Variants in GABBR2 observed in about 807,000 individuals in gnomAD.
GABBR2 encodes the protein G-protein coupled receptor 51.
GABBR2 carries 23 observed loss-of-function variants against 105.6 expected under a neutral mutation model. That is an observed-to-expected ratio of 0.22 (90% confidence interval 0.16 to 0.31). The LOEUF is 0.31. Ranked by LOEUF, GABBR2 falls within the 10% of genes least tolerant of loss-of-function variation. The probability of loss-of-function intolerance (pLI) is 1.00; values close to 1 mark genes in which losing one functional copy is unlikely to be tolerated. For synonymous variants in GABBR2, 478 were observed against 499.7 expected, an observed-to-expected ratio of 0.96 and a Z score of 0.58; for missense variants, 734 against 1,245.5, an observed-to-expected ratio of 0.59 and a Z score of 6.18.
chr9:98,500,702 T>C (rs1475914909), intron 3 of GABBR2, among the ~76,000 whole-genome samples: 1 of 152,182 alleles, frequency 6.6e-6, no homozygotes, highest in East Asian at 1.9e-4. Context: ...GAGGCAATAG[T>C]TGTTGACTTG....
At chr9:98,459,148 C>T (rs1482255561) in intron 6 of GABBR2, among the ~76,000 whole-genome samples, 2 of 152,204 alleles carry the variant, frequency 1.3e-5, no homozygotes, top group Non-Finnish European at 2.9e-5. Context: ...CAGGGAGATG[C>T]CTCCCCTTTT....
intron 13 of GABBR2, among the ~76,000 whole-genome samples, chr9:98,315,665 AC>A (rs371218824): frequency 3.2e-4 from 49 of 152,192 alleles, no homozygotes; most frequent in African/African-American, 1.2e-3. Flanking sequence ...CCACCCCCCA[AC>A]CCCCAGTGCT....
At chr9:98,333,503 C>T (rs1831063193) in intron 13 of GABBR2, among the ~76,000 whole-genome samples, 1 of 152,156 alleles carries the variant, frequency 6.6e-6, no homozygotes, top group Non-Finnish European at 1.5e-5. Context: ...GCATTCCATG[C>T]TGTGGCTGCA....
intron 14 of GABBR2, among the ~76,000 whole-genome samples, chr9:98,310,530 G>T (rs1830619339): frequency 6.6e-6 from 1 of 152,314 alleles, no homozygotes; most frequent in Non-Finnish European, 1.5e-5. Context: ...TTGCAAGCAT[G>T]AGCCACAGCA....
At chr9:98,407,202 T>C (rs1832507046) in intron 7 of GABBR2, among the ~76,000 whole-genome samples, 1 of 152,220 alleles carries the variant, frequency 6.6e-6, no homozygotes, top group Non-Finnish European at 1.5e-5. Flanking sequence ...ACTGTTATGC[T>C]TTTGTGTCAT....
At chr9:98,510,987 T>C (rs1421445446) in intron 3 of GABBR2, among the ~76,000 whole-genome samples, 5 of 152,150 alleles carry the variant, frequency 3.3e-5, no homozygotes, top group South Asian at 2.1e-4. Flanking sequence ...TATTCCAAAA[T>C]TGACCACATA....
chr9:98,443,412 C>T (rs193045717), intron 7 of GABBR2, among the ~76,000 whole-genome samples: 3 of 152,298 alleles, frequency 2.0e-5, no homozygotes, highest in East Asian at 3.9e-4. Context: ...TTATTTTGAT[C>T]TTTCAAATTT....
intron 1 of GABBR2, among the ~76,000 whole-genome samples, chr9:98,625,546 G>C (rs1355133226): frequency 6.6e-6 from 1 of 152,204 alleles, no homozygotes; most frequent in Non-Finnish European, 1.5e-5. Context: ...TCTGGGAGGG[G>C]CTATGATATC....
chr9:98,436,303 A>ATATATATATAT (rs1564068032), intron 7 of GABBR2, among the ~76,000 whole-genome samples: 6 of 92,482 alleles, frequency 6.5e-5, no homozygotes, highest in Admixed American at 1.2e-4. Flanking sequence ...ATATATATAT[A>ATATATATATAT]CCCATAAATA....
intron 1 of GABBR2, among the ~76,000 whole-genome samples, chr9:98,578,581 CAT>C (rs1434051524): frequency 1.3e-5 from 2 of 152,176 alleles, no homozygotes; most frequent in Non-Finnish European, 2.9e-5. Flanking sequence ...ACAGAATTGC[CAT>C]ATGATCTAGC....
chr9:98,301,239 CA>C (rs1285171583), intron 16 of GABBR2, among the ~76,000 whole-genome samples: 2 of 152,104 alleles, frequency 1.3e-5, no homozygotes, highest in Non-Finnish European at 2.9e-5. Context: ...GGGTGGGGGT[CA>C]GGGGGAGCCT....
At chr9:98,471,962 C>T (rs748763712) in intron 6 of GABBR2, among the ~76,000 whole-genome samples, 5 of 152,144 alleles carry the variant, frequency 3.3e-5, no homozygotes, top group Non-Finnish European at 5.9e-5. Context: ...GGTGCCAGTA[C>T]GAGCTAAAGA....
At chr9:98,367,871 C>G (rs938191096) in intron 12 of GABBR2, among the ~76,000 whole-genome samples, 2 of 152,178 alleles carry the variant, frequency 1.3e-5, no homozygotes, top group African/African-American at 4.8e-5. Flanking sequence ...AAAATGGGCT[C>G]TTCTTCACAG....
At chr9:98,467,573 C>T (rs1015866250) in intron 6 of GABBR2, among the ~76,000 whole-genome samples, 3 of 152,200 alleles carry the variant, frequency 2.0e-5, no homozygotes, top group Admixed American at 6.5e-5. Context: ...CCCTAAAACT[C>T]CAAGTTCTTT....
chr9:98,397,612 T>A (rs1832317372), intron 8 of GABBR2, among the ~76,000 whole-genome samples: 1 of 152,156 alleles, frequency 6.6e-6, no homozygotes. Context: ...TCCCAAGAAA[T>A]ATCTTCATAT....
At chr9:98,592,125 G>C (rs1829155596) in intron 1 of GABBR2, among the ~76,000 whole-genome samples, 1 of 152,222 alleles carries the variant, frequency 6.6e-6, no homozygotes, top group East Asian at 1.9e-4. Flanking sequence ...GAGAGGCTCA[G>C]CCAGCAATTA....
At chr9:98,515,351 C>T (rs960580316) in intron 3 of GABBR2, among the ~76,000 whole-genome samples, 2 of 152,162 alleles carry the variant, frequency 1.3e-5, no homozygotes, top group Non-Finnish European at 2.9e-5. Flanking sequence ...ACGAGCAGTG[C>T]GATCAAATTG....
At chr9:98,659,672 C>A (rs1284463726) in intron 1 of GABBR2, among the ~76,000 whole-genome samples, 3 of 151,932 alleles carry the variant, frequency 2.0e-5, no homozygotes, top group Admixed American at 6.6e-5. Context: ...AGGCACCCAC[C>A]ACCACGCCCA....
chr9:98,557,757 T>A (rs1828610546), intron 2 of GABBR2, among the ~76,000 whole-genome samples: 1 of 152,236 alleles, frequency 6.6e-6, no homozygotes, highest in Middle Eastern at 3.2e-3. Context: ...TTATACTACC[T>A]TCTTAGTAAA....
Sources: gnomAD v4.1 joint callset for allele counts (sites outside exome capture counted in the v4.1 genomes callset) on GRCh38, gnomAD v4.1.1 for gene constraint, MANE v1.5 for transcripts, NCBI Gene and HGNC (gene_info 2026-07-23, HGNC 2026-07-21) for gene names.